The following ACOXL variants were observed in gnomAD, a reference collection of about 807,000 sequenced individuals.
The protein encoded by ACOXL is acyl-CoA oxidase like.
ACOXL carries 70 observed loss-of-function variants against 71.9 expected under a neutral mutation model. That is an observed-to-expected ratio of 0.97 (90% CI 0.80 to 1.19). The LOEUF (loss-of-function observed/expected upper bound fraction) is 1.19. Ranked by LOEUF, ACOXL falls within the 50% of genes most tolerant of loss-of-function variation. The probability of loss-of-function intolerance (pLI) is 0.00; values close to 1 mark genes in which losing one functional copy is unlikely to be tolerated. For missense variants in ACOXL, 703 were observed against 736.3 expected, an observed-to-expected ratio of 0.95 and a Z score of 0.52; for synonymous variants, 253 against 281.6, an observed-to-expected ratio of 0.90 and a Z score of 1.02.
chr2:110,894,371 G>T (rs2149164804), intron 10 of ACOXL, among the ~76,000 whole-genome samples: 1 of 147,818 alleles, frequency 6.8e-6, no homozygotes, highest in South Asian at 2.1e-4. Flanking sequence ...GCTTTCTCTA[G>T]CCAGAGGACC....
chr2:110,814,834 T>C lies in ACOXL; in HGVS notation c.753+9439T>C, dbSNP rs566557825. Among the ~76,000 whole-genome samples the C allele has an allele frequency of 4.6e-5, 7 of 152,340 alleles. No homozygotes were observed. In the South Asian group the frequency reaches 1.5e-3, roughly 32 times the overall value. On this transcript the variant is annotated intron_variant, in intron 9 of 17. Coordinates refer to ENST00000439055, the MANE Select transcript of ACOXL (RefSeq NM_001142807.4). ...CTTATACTCTATAAATTACTCAGAA[T>C]TGTATCATGTTTTTATTTGCTTGAT... is the stretch of plus-strand genomic sequence containing the variant.
intron 17 of ACOXL, among the ~76,000 whole-genome samples, chr2:111,115,012 A>G (rs985994107): frequency 6.6e-6 from 1 of 152,188 alleles, no homozygotes; most frequent in African/African-American, 2.4e-5. Context: ...TATTGCTTGT[A>G]GAGCAATAGT....
chr2:111,043,800 G>A (rs543127280), intron 15 of ACOXL, among the ~76,000 whole-genome samples: 24 of 152,310 alleles, frequency 1.6e-4, no homozygotes, highest in Admixed American at 1.2e-3. Context: ...GGAGGGGTAG[G>A]TGTCAGCCCC....
At chr2:110,886,370 CCTT>C (rs1481456743) in intron 10 of ACOXL, among the ~76,000 whole-genome samples, 1 of 146,038 alleles carries the variant, frequency 6.8e-6, no homozygotes, top group Non-Finnish European at 1.5e-5. Flanking sequence ...TTTACCCTAT[CCTT>C]CTTTTTCTTT....
intron 10 of ACOXL, among the ~76,000 whole-genome samples, chr2:110,845,908 T>A (rs908557090): frequency 1.3e-5 from 2 of 152,164 alleles, no homozygotes; most frequent in African/African-American, 4.8e-5. Flanking sequence ...TACAAATATC[T>A]CTTTGACACC....
At chr2:111,057,085 T>C (rs191850155) in intron 16 of ACOXL, among the ~76,000 whole-genome samples, 1 of 152,310 alleles carries the variant, frequency 6.6e-6, no homozygotes, top group East Asian at 1.9e-4. Context: ...AGCACTCAGT[T>C]GGGCACTCAA....
At chr2:111,081,652 A>C (rs2067929736) in intron 16 of ACOXL, among the ~76,000 whole-genome samples, 1 of 152,234 alleles carries the variant, frequency 6.6e-6, no homozygotes, top group Admixed American at 6.5e-5. Flanking sequence ...GACTTTCTTC[A>C]CAGAATTAGA....
At position 110,841,423 on chromosome 2, in the gene ACOXL, TG is replaced by T; in HGVS notation, c.788+19del. On this transcript the variant is annotated intron_variant, in intron 10 of 17. Transcript: ENST00000439055. ...AGCCACAGGTAAATGTTTACATTTT[TG>T]TTTCTTTTAAGAATTATCCTTACCA... 1 of 1,603,322 alleles carries T rather than the reference TG, an allele frequency of 6.2e-7. No individual in the cohort carries two copies. The highest frequency in any genetic ancestry group is 8.5e-7 in the Non-Finnish European group (1 of 1,172,946).
chr2:110,804,932 ATACTC>A (rs1686444409), intron 8 of ACOXL, among the ~76,000 whole-genome samples: 1 of 152,210 alleles, frequency 6.6e-6, no homozygotes, highest in South Asian at 2.1e-4. Context: ...TTTCGTGACT[ATACTC>A]AAATCCATCA....
intron 11 of ACOXL, 83 bp downstream of exon 11, chr2:110,908,988 A>T (rs1044040768): frequency 9.7e-7 from 1 of 1,033,350 alleles, no homozygotes; most frequent in Admixed American, 2.4e-5. Flanking sequence ...CAGGCACAGG[A>T]TGTCATTTTC....
chr2:110,814,613 A>G (rs1241626841), intron 9 of ACOXL, among the ~76,000 whole-genome samples: 4 of 152,170 alleles, frequency 2.6e-5, no homozygotes, highest in African/African-American at 9.7e-5. Flanking sequence ...GGTTAGTAGA[A>G]TATTTGTGGG....
intron 10 of ACOXL, among the ~76,000 whole-genome samples, chr2:110,852,543 T>A (rs1410606364): frequency 1.3e-5 from 2 of 152,204 alleles, no homozygotes; most frequent in African/African-American, 2.4e-5. Flanking sequence ...GATGCTGCAT[T>A]TATAGGCAAT....
chr2:110,799,428 T>G (rs542535858), intron 7 of ACOXL, among the ~76,000 whole-genome samples: 2 of 152,306 alleles, frequency 1.3e-5, no homozygotes, highest in Admixed American at 1.3e-4. Context: ...TGTAGCTCTC[T>G]TCTTTGTACC....
intron 3 of ACOXL, among the ~76,000 whole-genome samples, chr2:110,790,672 G>A (rs1423619137): frequency 6.6e-6 from 1 of 152,170 alleles, no homozygotes. Flanking sequence ...CCTGAGGTCT[G>A]CCAGGGGCAG....
chr2:110,996,040 A>T (rs2063383210), intron 14 of ACOXL, 36 bp downstream of exon 14: 1 of 1,537,626 alleles, frequency 6.5e-7, no homozygotes, highest in South Asian at 1.1e-5. Context: ...TCCTTTTGAC[A>T]TGTGTTTAAG....
intron 11 of ACOXL, among the ~76,000 whole-genome samples, chr2:110,920,931 G>A (rs2060043563): frequency 6.6e-6 from 1 of 152,034 alleles, no homozygotes; most frequent in Admixed American, 6.5e-5. Flanking sequence ...TTACCTTTTT[G>A]AAGGTACAGT....
chr2:110,886,655 A>G, intron 10 of ACOXL: 1 of 1,236,602 alleles, frequency 8.1e-7, no homozygotes, highest in Non-Finnish European at 1.1e-6. Context: ...CTGGGATTAC[A>G]GGCTTGAGCC....
intron 12 of ACOXL, among the ~76,000 whole-genome samples, chr2:110,959,628 C>T (rs983500503): frequency 3.9e-5 from 6 of 152,104 alleles, no homozygotes; most frequent in Admixed American, 2.6e-4. Flanking sequence ...AAGTTCACCT[C>T]ACATCCTTTG....
Position 111,075,924 on chromosome 2 carries a change from C to T in ACOXL, c.1441-16941C>T, listed in dbSNP as rs1289325247. The stretch of plus-strand genomic sequence containing the variant: ...ATCTCAAATTTATTTCTATTATAAT[C>T]AGAGAAGATACCATGTCTAATTTAT... On this transcript the variant is annotated intron_variant, in intron 16 of 17. Coordinates refer to ENST00000439055, the MANE Select transcript of ACOXL (RefSeq NM_001142807.4). Among the ~76,000 whole-genome samples, 8 of 151,932 alleles carry T rather than the reference C, an allele frequency of 5.3e-5. 1 individual carries two copies. Among genetic ancestry groups the T allele is most frequent in the Non-Finnish European group, 8.8e-5 (6 of 67,966 alleles).
Sources: gnomAD v4.1 joint callset for allele counts (sites outside exome capture counted in the v4.1 genomes callset) on GRCh38, gnomAD v4.1.1 for gene constraint, MANE v1.5 for transcripts, NCBI Gene and HGNC (gene_info 2026-07-23, HGNC 2026-07-21) for gene names.